Variants in C1orf21 observed in about 807,000 individuals in gnomAD.
C1orf21 encodes the protein uncharacterized protein C1orf21.
C1orf21 carries 3 observed loss-of-function variants against 18.7 expected under a neutral mutation model. The observed-to-expected ratio is 0.16, with a 90% confidence interval of 0.07 to 0.42. C1orf21 has a LOEUF of 0.42. Among genes scored for constraint, C1orf21 ranks in the 10% least tolerant of loss-of-function variants. The pLI, the probability that C1orf21 is intolerant of heterozygous loss-of-function variation, is 0.99. For missense variants in C1orf21, 104 were observed against 143.6 expected, an observed-to-expected ratio of 0.72 and a Z score of 1.41; for synonymous variants, 41 against 46.4, an observed-to-expected ratio of 0.88 and a Z score of 0.47.
rs865842989 is a variant in C1orf21 at position 184,625,850 on chromosome 1, G to A, written c.*6294G>A. On this transcript the variant is annotated 3_prime_UTR_variant, in exon 6 of 6. Transcript: ENST00000235307. ...CGTCTGGGCTGCTAGCCGGGGTGTT[G>A]TGGCTGACATCCTTTCCTGGCCTTA... The A allele has an allele frequency of 6.6e-6, 1 of 152,258 alleles. No homozygotes were observed. The highest frequency in any genetic ancestry group is 1.9e-4 in the East Asian group (1 of 5,178). The allele number at this position is 152,258 out of a possible 1,614,324, so 9.4% of individuals were successfully genotyped here.
chr1:184,536,440 T>C (rs1176710590), intron 3 of C1orf21, among the ~76,000 whole-genome samples: 3 of 152,102 alleles, frequency 2.0e-5, no homozygotes, highest in Non-Finnish European at 2.9e-5. Flanking sequence ...ACCCCCTCCT[T>C]TAGAGGCATG....
Position 184,442,106 on chromosome 1 carries a change from A to G in C1orf21, c.-124-35280A>G, listed in dbSNP as rs528410503. On this transcript the variant is annotated intron_variant, in intron 1 of 5. Coordinates refer to ENST00000235307, the MANE Select transcript of C1orf21 (RefSeq NM_030806.4). ...TTGCAGGCCACTCATCCCTTCTAAT[A>G]TCAGTATATTCATCTGTAAAATGGA... 1.4e-4 allele frequency among the ~76,000 whole-genome samples: 22 copies of G among 152,350 alleles called. No individual in the cohort carries two copies. The East Asian group carries it at 4.0e-3, about 28-fold the overall frequency.
chr1:184,580,787 T>C (rs992383721), intron 3 of C1orf21, among the ~76,000 whole-genome samples: 1 of 152,254 alleles, frequency 6.6e-6, no homozygotes, highest in Admixed American at 6.5e-5. Flanking sequence ...TTATCCTTAG[T>C]GCCTTGAACT....
intron 1 of C1orf21, among the ~76,000 whole-genome samples, chr1:184,418,513 G>A (rs1019960579): frequency 2.0e-5 from 3 of 152,114 alleles, no homozygotes; most frequent in Admixed American, 6.6e-5. Context: ...TGTGCCCGGC[G>A]AAGTTATAAC....
intron 3 of C1orf21, among the ~76,000 whole-genome samples, chr1:184,584,436 T>C (rs6667692): frequency 0.58 from 88,262 of 151,886 alleles, 27,860 homozygotes; most frequent in African/African-American, 0.85. Context: ...GTGGTGCAGA[T>C]GTGGAGAAAC....
At chr1:184,568,218 T>C (rs530429593) in intron 3 of C1orf21, among the ~76,000 whole-genome samples, 1 of 152,326 alleles carries the variant, frequency 6.6e-6, no homozygotes, top group East Asian at 1.9e-4. Context: ...TGTGGTAAAA[T>C]ATACATAATA....
chr1:184,448,384 T>C (rs1657063908), intron 1 of C1orf21, among the ~76,000 whole-genome samples: 1 of 152,180 alleles, frequency 6.6e-6, no homozygotes, highest in African/African-American at 2.4e-5. Flanking sequence ...GCATCTGGCT[T>C]ATCTTTCAAG....
At chr1:184,416,662 G>A (rs1656456683) in intron 1 of C1orf21, among the ~76,000 whole-genome samples, 2 of 152,164 alleles carry the variant, frequency 1.3e-5, no homozygotes, top group Admixed American at 1.3e-4. Flanking sequence ...GTATTACTCA[G>A]CATGATCACC....
At position 184,617,917 on chromosome 1, in the gene C1orf21, T is replaced by G. The variant is rs189835560; in HGVS notation, c.328-1601T>G. Among the ~76,000 whole-genome samples, 1,305 of 147,344 alleles carry G rather than the reference T, an allele frequency of 8.9e-3. 20 individuals carry two copies. The highest frequency in any genetic ancestry group is 0.036 in the South Asian group (163 of 4,550). On this transcript the variant is annotated intron_variant, in intron 5 of 5. Coordinates refer to ENST00000235307, the MANE Select transcript of C1orf21 (RefSeq NM_030806.4). ...TTTGTTGTTGTTGTTTTTTTTTTTTTTTTTTTTTTTGAGATAGAGTCTCAC... is the reference window on the plus strand; with the variant it reads ...TTTGTTGTTGTTGTTTTTTTTTTTTGTTTTTTTTTTGAGATAGAGTCTCAC...
chr1:184,496,650 A>G (rs1657898661), intron 2 of C1orf21, among the ~76,000 whole-genome samples: 1 of 152,212 alleles, frequency 6.6e-6, no homozygotes, highest in Admixed American at 6.5e-5. Flanking sequence ...CAGGCCTTCA[A>G]ACACAAGCAG....
chr1:184,390,177 A>G (rs1164752209), intron 1 of C1orf21, among the ~76,000 whole-genome samples: 3 of 152,176 alleles, frequency 2.0e-5, no homozygotes, highest in African/African-American at 7.2e-5. Flanking sequence ...GAGAGGAGAG[A>G]GCATTGCTTT....
chr1:184,398,372 A>G (rs887361337), intron 1 of C1orf21, among the ~76,000 whole-genome samples: 4 of 152,180 alleles, frequency 2.6e-5, no homozygotes, highest in Non-Finnish European at 2.9e-5. Context: ...TGGTGGTGCT[A>G]AGACTGGAAT....
In C1orf21 at chr1:184,555,280, T is replaced by A. The variant is rs1346039501; in HGVS notation, c.190-35459T>A. Among the ~76,000 whole-genome samples the A allele has an allele frequency of 4.6e-5, 7 of 152,294 alleles. No homozygotes were observed. The South Asian group carries it at 1.5e-3, about 32-fold the overall frequency. ...CCTCCATTTTGAGGTCCCTAAGTTA[T>A]TCCTGGGAAATCTCAGGGACTGGCA... On this transcript the variant is annotated intron_variant, in intron 3 of 5. Coordinates refer to ENST00000235307, the MANE Select transcript of C1orf21 (RefSeq NM_030806.4).
intron 2 of C1orf21, among the ~76,000 whole-genome samples, chr1:184,495,811 C>T (rs1458522080): frequency 6.7e-6 from 1 of 149,512 alleles, no homozygotes; most frequent in African/African-American, 2.5e-5. Context: ...CTCAGCTACT[C>T]GGGAGACTGA....
At chr1:184,614,351 C>T (rs1039730256) in intron 5 of C1orf21, among the ~76,000 whole-genome samples, 1 of 152,232 alleles carries the variant, frequency 6.6e-6, no homozygotes, top group Non-Finnish European at 1.5e-5. Context: ...CAGTCACTTT[C>T]ATCTAGTCTA....
intron 5 of C1orf21, among the ~76,000 whole-genome samples, chr1:184,604,099 A>G (rs7517366): frequency 0.22 from 33,226 of 152,202 alleles, 3,812 homozygotes; most frequent in Admixed American, 0.31. Flanking sequence ...GTTGTGAACT[A>G]TGATGTTGGG....
At chr1:184,473,696 AGCTCT>A (rs1160743727) in intron 1 of C1orf21, among the ~76,000 whole-genome samples, 2 of 152,200 alleles carry the variant, frequency 1.3e-5, no homozygotes, top group African/African-American at 4.8e-5. Flanking sequence ...CTGTTTCTTT[AGCTCT>A]GCTCAGGTCT....
intron 3 of C1orf21, among the ~76,000 whole-genome samples, chr1:184,588,006 G>A (rs1659382316): frequency 6.6e-6 from 1 of 152,150 alleles, no homozygotes; most frequent in Non-Finnish European, 1.5e-5. Context: ...TGGGAAGTAT[G>A]CATAAAGCAT....
intron 3 of C1orf21, among the ~76,000 whole-genome samples, chr1:184,539,099 A>G (rs1483294990): frequency 6.6e-6 from 1 of 152,100 alleles, no homozygotes; most frequent in African/African-American, 2.4e-5. Flanking sequence ...GAAGATTTTA[A>G]TCTTTCACCA....
Sources: gnomAD v4.1 joint callset for allele counts (sites outside exome capture counted in the v4.1 genomes callset) on GRCh38, gnomAD v4.1.1 for gene constraint, MANE v1.5 for transcripts, NCBI Gene and HGNC (gene_info 2026-07-23, HGNC 2026-07-21) for gene names.